XIRP2: variants seen among roughly 807,000 people sequenced by gnomAD.
The protein encoded by XIRP2 is xin actin-binding repeat-containing protein 2.
A neutral mutation model predicts 277.0 loss-of-function variants in XIRP2; 236 were observed. The ratio of observed to expected loss-of-function variants is 0.85; its 90% CI spans 0.77 to 0.95. The LOEUF (loss-of-function observed/expected upper bound fraction) is 0.95. Among genes scored for constraint, XIRP2 ranks in the 40% least tolerant of loss-of-function variants. The pLI, the probability that XIRP2 is intolerant of heterozygous loss-of-function variation, is 0.00. For missense variants in XIRP2, 4,640 were observed against 4,157.5 expected (o/e 1.12, Z -3.19); for synonymous variants, 1,490 against 1,416.5 (o/e 1.05, Z -1.17).
chr2:166,944,992 T>C (rs1685815344), intron 2 of XIRP2, among the ~76,000 whole-genome samples: 1 of 152,088 alleles, frequency 6.6e-6, no homozygotes, highest in African/African-American at 2.4e-5. Flanking sequence ...GCAGGACTCT[T>C]TTGGTTTATC....
chr2:167,161,199 T>C (rs573566329), intron 3 of XIRP2, among the ~76,000 whole-genome samples: 1 of 152,302 alleles, frequency 6.6e-6, no homozygotes, highest in South Asian at 2.1e-4. Flanking sequence ...GTGTTGAGTG[T>C]CTGTGGGTTT....
At chr2:167,120,941 A>G (rs1039032758) in intron 2 of XIRP2, among the ~76,000 whole-genome samples, 60 of 152,318 alleles carry the variant, frequency 3.9e-4, no homozygotes, top group African/African-American at 1.3e-3. Context: ...ATGTTGAAAT[A>G]TCTTTGGGGT....
intron 2 of XIRP2, among the ~76,000 whole-genome samples, chr2:167,011,888 A>C (rs558999143): frequency 6.6e-6 from 1 of 151,992 alleles, no homozygotes; most frequent in Non-Finnish European, 1.5e-5. Flanking sequence ...CTCTGATGGT[A>C]GTTTGTATTT....
intron 2 of XIRP2, among the ~76,000 whole-genome samples, chr2:166,931,609 T>G (rs1237708762): frequency 6.6e-6 from 1 of 152,190 alleles, no homozygotes; most frequent in African/African-American, 2.4e-5. Context: ...TTTGTATGCT[T>G]TTATTGCTGA....
At chr2:167,091,147 A>G (rs1051827288) in intron 2 of XIRP2, among the ~76,000 whole-genome samples, 4 of 151,950 alleles carry the variant, frequency 2.6e-5, no homozygotes, top group Non-Finnish European at 5.9e-5. Context: ...TTTGTCATTG[A>G]CTTTTAGTCA....
rs765267150 is a variant in XIRP2, at chr2:167,258,985, C to A, written c.*1168C>A. On this transcript the variant is annotated 3_prime_UTR_variant, in exon 11 of 11. Transcript: ENST00000409195. ...TTATGGTAAAGGGGGGAAGTTCAATCATCTCTCCTGATACAAATCTCTTAA... is the reference window on the plus strand; with the variant it reads ...TTATGGTAAAGGGGGGAAGTTCAATAATCTCTCCTGATACAAATCTCTTAA... The A allele has an allele frequency of 2.1e-5, 34 of 1,611,758 alleles. No homozygotes were observed. Among genetic ancestry groups the A allele is most frequent in the Non-Finnish European group, 2.7e-5 (32 of 1,178,842 alleles).
chr2:166,995,924 T>A (rs1650433239), intron 2 of XIRP2, among the ~76,000 whole-genome samples: 1 of 152,160 alleles, frequency 6.6e-6, no homozygotes. Flanking sequence ...CCAGCCTCAT[T>A]TGAATCATCC....
At chr2:167,096,062 A>G (rs2105280923) in intron 2 of XIRP2, among the ~76,000 whole-genome samples, 1 of 144,506 alleles carries the variant, frequency 6.9e-6, no homozygotes, top group South Asian at 2.3e-4. Context: ...TTTAGTAGAG[A>G]CTGGATTTCA....
At chr2:167,144,609 C>T (rs1430902059) in intron 3 of XIRP2, among the ~76,000 whole-genome samples, 1 of 152,068 alleles carries the variant, frequency 6.6e-6, no homozygotes, top group Non-Finnish European at 1.5e-5. Context: ...GATATGTAAT[C>T]ATTCTCTAGT....
At chr2:167,027,323 C>T (rs558563895) in intron 2 of XIRP2, among the ~76,000 whole-genome samples, 68 of 152,242 alleles carry the variant, frequency 4.5e-4, no homozygotes, top group Admixed American at 8.5e-4. Context: ...ACATTCTTCA[C>T]GTAGATCTCA....
intron 2 of XIRP2, among the ~76,000 whole-genome samples, chr2:167,024,042 T>G (rs1315478588): frequency 6.6e-6 from 1 of 152,154 alleles, no homozygotes. Context: ...TAAATTACCT[T>G]GTGCAGTATG....
intron 2 of XIRP2, among the ~76,000 whole-genome samples, chr2:166,985,724 C>T (rs1374338575): frequency 4.6e-5 from 7 of 152,142 alleles, no homozygotes; most frequent in Non-Finnish European, 8.8e-5. Flanking sequence ...CCACCGCGCC[C>T]GGCCTAAAAA....
Position 167,247,066 on chromosome 2 carries a change from C to T in XIRP2, c.5674C>T (p.Pro1892Ser), listed in dbSNP as rs778739070. Residue 1892 changes from proline (P) to serine (S), a missense_variant, in exon 9 of 11, where the codon CCT becomes TCT. Physicochemically the swap from Pro to Ser is moderately conservative, Grantham distance 74. Transcript: ENST00000409195. ...AGAATCTAAACAGCCTGATGCCATC[C>T]CTGGTGATATTGAAAAAGCTATTGA... ...WKESKQPDAI[P>S]GDIEKAIECL... 1.2e-6 allele frequency: 2 copies of T among 1,612,534 alleles called. No individual in the cohort carries two copies. Among genetic ancestry groups the T allele is most frequent in the Non-Finnish European group, 1.7e-6 (2 of 1,179,514 alleles).
intron 3 of XIRP2, among the ~76,000 whole-genome samples, chr2:167,153,403 T>C (rs562016870): frequency 6.6e-6 from 1 of 151,978 alleles, no homozygotes; most frequent in South Asian, 2.1e-4. Flanking sequence ...ATTTTTTTTA[T>C]TTTTTTATTT....
chr2:167,119,259 T>C (rs899137150), intron 2 of XIRP2, among the ~76,000 whole-genome samples: 1 of 152,158 alleles, frequency 6.6e-6, no homozygotes, highest in African/African-American at 2.4e-5. Flanking sequence ...TAGATAAACA[T>C]TGGCATCTTG....
chr2:167,147,074 G>A (rs1691883261), intron 3 of XIRP2, among the ~76,000 whole-genome samples: 1 of 151,846 alleles, frequency 6.6e-6, no homozygotes. Flanking sequence ...AAAACAAAGA[G>A]GTTTCTATTA....
intron 2 of XIRP2, among the ~76,000 whole-genome samples, chr2:166,906,381 T>TAC (rs940830334): frequency 1.3e-5 from 2 of 152,068 alleles, no homozygotes; most frequent in African/African-American, 4.8e-5. Flanking sequence ...CATACACATA[T>TAC]ACACATACAT....
intron 3 of XIRP2, among the ~76,000 whole-genome samples, chr2:167,202,461 C>T (rs116256075): frequency 0.013 from 2,026 of 152,212 alleles, 53 homozygotes; most frequent in African/African-American, 0.047. Context: ...GAAGTGACAG[C>T]AGGTAGAAAT....
intron 5 of XIRP2, among the ~76,000 whole-genome samples, chr2:167,221,815 A>AT (rs1352793928): frequency 6.6e-6 from 1 of 152,134 alleles, no homozygotes; most frequent in Non-Finnish European, 1.5e-5. Flanking sequence ...AAAAATATTT[A>AT]TTTTTTTGAC....
Sources: allele counts gnomAD v4.1 joint callset (sites outside exome capture counted in the v4.1 genomes callset), GRCh38; gene constraint gnomAD v4.1.1; transcripts MANE v1.5; gene names NCBI Gene and HGNC (gene_info 2026-07-23, HGNC 2026-07-21).